TNFSF18: variants seen among roughly 807,000 people sequenced by gnomAD.
TNFSF18 encodes the protein TNF superfamily member 18.
TNFSF18 carries 6 observed loss-of-function variants against 9.6 expected under a neutral mutation model. The observed-to-expected ratio is 0.63, with a 90% CI of 0.34 to 1.24. The LOEUF is 1.24. Ranked by LOEUF, TNFSF18 falls within the 50% of genes most tolerant of loss-of-function variation. TNFSF18 has a pLI of 0.03. For synonymous variants in TNFSF18, 68 were observed against 71.7 expected, an observed-to-expected ratio of 0.95 and a Z score of 0.26; for missense variants, 210 against 201.0, an observed-to-expected ratio of 1.04 and a Z score of -0.27.
At chr1:173,045,936 T>C (rs1474211358) in intron 1 of TNFSF18, among the ~76,000 whole-genome samples, 1 of 152,144 alleles carries the variant, frequency 6.6e-6, no homozygotes, top group Non-Finnish European at 1.5e-5. Context: ...CGTACTTCTA[T>C]TTTCTCTTAA....
intron 2 of TNFSF18, among the ~76,000 whole-genome samples, chr1:173,042,951 A>G (rs190712254): frequency 1.2e-4 from 18 of 152,286 alleles, no homozygotes; most frequent in African/African-American, 2.6e-4. Context: ...AGTATCGCCA[A>G]TGAGCTCGGA....
At chr1:173,044,530 C>T (rs530440871) in intron 1 of TNFSF18, among the ~76,000 whole-genome samples, 20 of 152,252 alleles carry the variant, frequency 1.3e-4, no homozygotes, top group South Asian at 4.1e-4. Context: ...CTGCAATGTA[C>T]GGCAGTTCAC....
intron 1 of TNFSF18, among the ~76,000 whole-genome samples, chr1:173,046,696 T>C (rs2101927818): frequency 6.6e-6 from 1 of 152,276 alleles, no homozygotes; most frequent in East Asian, 1.9e-4. Context: ...CTCACCCTTA[T>C]AAATATATAT....
At chr1:173,049,220 G>C (rs932059419) in intron 1 of TNFSF18, among the ~76,000 whole-genome samples, 1 of 152,102 alleles carries the variant, frequency 6.6e-6, no homozygotes, top group Non-Finnish European at 1.5e-5. Context: ...GGGTGCCTTT[G>C]GGAAAGGCTT....
rs761740979 is a variant in TNFSF18, at chr1:173,041,468, C to T, written c.433G>A (p.Gly145Arg). 5 of 1,613,360 alleles carry T rather than the reference C, an allele frequency of 3.1e-6. No individual in the cohort carries two copies. The highest frequency in any genetic ancestry group is 2.7e-5 in the African/African-American group (2 of 74,876). Residue 145 changes from glycine (G) to arginine (R), a missense_variant, in exon 3 of 3, where the codon GGG (glycine) becomes AGG (arginine). Physicochemically the swap from Gly to Arg is moderately radical, Grantham distance 125 (BLOSUM62 -2). Transcript: ENST00000404377. ...TTGAATATCAAGTCTATGGTGTCCCCAACATGCAATTCATAAGTCCCTCCT... is the reference window on the plus strand; with the variant it reads ...TTGAATATCAAGTCTATGGTGTCCCTAACATGCAATTCATAAGTCCCTCCT... ...NVGGTYELHV[G>R]DTIDLIFNSE...
At chr1:173,049,999 CT>C (rs1433312619) in intron 1 of TNFSF18, among the ~76,000 whole-genome samples, 1 of 152,172 alleles carries the variant, frequency 6.6e-6, no homozygotes. Context: ...TAGATATGGG[CT>C]TTCTCATTCC....
At position 173,043,147 on chromosome 1, in the gene TNFSF18, C is replaced by T. The variant is rs530407868; in HGVS notation, c.187+792G>A. Among the ~76,000 whole-genome samples, 3 of 152,192 alleles carry T rather than the reference C, an allele frequency of 2.0e-5. No individual in the cohort carries two copies. The South Asian group carries it at 6.2e-4, about 32-fold the overall frequency. ...TTCACACATGCCATGCATTCCATTC[C>T]ACTTATGGGCAAAACAAAAACAAAA... On this transcript the variant is annotated intron_variant, in intron 2 of 2. Coordinates refer to ENST00000404377, the MANE Select transcript of TNFSF18 (RefSeq NM_005092.4).
In TNFSF18 at chr1:173,039,653, C is replaced by T. The variant is rs1408235704; in HGVS notation, c.*1714G>A. ...TATGTGCTTATAAGCTAGCACCAGC[C>T]CACTCCAGCACACATTGCTTATAAC... On this transcript the variant is annotated 3_prime_UTR_variant, in exon 3 of 3. Coordinates refer to ENST00000404377, the MANE Select transcript of TNFSF18 (RefSeq NM_005092.4). Among the ~76,000 whole-genome samples, 3 of 151,582 alleles carry T rather than the reference C, an allele frequency of 2.0e-5. No individual in the cohort carries two copies. The highest frequency in any genetic ancestry group is 4.4e-5 in the Non-Finnish European group (3 of 67,944).
At chr1:173,043,763 T>A (rs1357862026) in intron 2 of TNFSF18, among the ~76,000 whole-genome samples, 176 bp downstream of exon 2, 1 of 152,232 alleles carries the variant, frequency 6.6e-6, no homozygotes, top group Non-Finnish European at 1.5e-5. Context: ...TTCTTTTGCC[T>A]GGTTTACCTC....
chr1:173,045,134 G>A (rs1398010056), intron 1 of TNFSF18, among the ~76,000 whole-genome samples: 1 of 152,156 alleles, frequency 6.6e-6, no homozygotes, highest in African/African-American at 2.4e-5. Flanking sequence ...GAAATTTAAG[G>A]AGCTCTGGTG....
At chr1:173,043,794 C>A (rs1665029654) in intron 2 of TNFSF18, 145 bp downstream of exon 2, 1 of 770,156 alleles carries the variant, frequency 1.3e-6, no homozygotes. Context: ...AGCTCTTGGG[C>A]AACTGCCCAG....
chr1:173,050,348 T>C (rs1416047853), intron 1 of TNFSF18, among the ~76,000 whole-genome samples: 2 of 152,102 alleles, frequency 1.3e-5, no homozygotes, highest in Non-Finnish European at 2.9e-5. Context: ...TCTTTCACTA[T>C]TTTTTTAAGT....
At chr1:173,049,804 C>G (rs1267119400) in intron 1 of TNFSF18, among the ~76,000 whole-genome samples, 1 of 152,138 alleles carries the variant, frequency 6.6e-6, no homozygotes, top group Non-Finnish European at 1.5e-5. Context: ...AGGCTAAATC[C>G]TGAAATAAAT....
chr1:173,041,750 A>G, intron 2 of TNFSF18, 37 bp from the exon 3 acceptor site: 9 of 1,499,896 alleles, frequency 6.0e-6, no homozygotes, highest in East Asian at 2.3e-5. Context: ...AGATGAAAGC[A>G]TAGTTATTTC....
rs746036457 is a variant in TNFSF18 at position 173,050,899 on chromosome 1, T to C, written c.-3A>G. The C allele has an allele frequency of 1.1e-5, 18 of 1,613,772 alleles. No homozygotes were observed. The highest frequency in any genetic ancestry group is 1.3e-5 in the Non-Finnish European group (15 of 1,179,808). On this transcript the variant is annotated 5_prime_UTR_variant, in exon 1 of 3. Transcript: ENST00000404377. ...TTTTCCAAGTGGCTCAAACACATTTTTGGAGAAATGAGAGCTGTGGAAAAC... is the reference window on the plus strand; with the variant it reads ...TTTTCCAAGTGGCTCAAACACATTTCTGGAGAAATGAGAGCTGTGGAAAAC...
At chr1:173,046,560 C>A (rs111300822) in intron 1 of TNFSF18, among the ~76,000 whole-genome samples, 1,543 of 152,002 alleles carry the variant, frequency 0.01, 31 homozygotes, top group African/African-American at 0.035. Context: ...GCATTCACCA[C>A]GTTATTAAAA....
intron 1 of TNFSF18, among the ~76,000 whole-genome samples, chr1:173,045,178 T>C (rs1168935293): frequency 6.6e-6 from 1 of 152,128 alleles, no homozygotes; most frequent in African/African-American, 2.4e-5. Context: ...TCATAGTTGA[T>C]GTTTTAAGCT....
chr1:173,044,893 G>A (rs1415361552), intron 1 of TNFSF18, among the ~76,000 whole-genome samples: 1 of 152,142 alleles, frequency 6.6e-6, no homozygotes, highest in African/African-American at 2.4e-5. Flanking sequence ...TACTTGGTTG[G>A]AAAATAGAGC....
chr1:173,041,818 T>C (rs1664999984), intron 2 of TNFSF18, 105 bp from the exon 3 acceptor site: 9 of 945,584 alleles, frequency 9.5e-6, no homozygotes, highest in South Asian at 4.7e-5. Context: ...TGTTGTTTCT[T>C]TACCTGATCT....
Sources: allele counts gnomAD v4.1 joint callset (sites outside exome capture counted in the v4.1 genomes callset), GRCh38; gene constraint gnomAD v4.1.1; transcripts MANE v1.5; gene names NCBI Gene and HGNC (gene_info 2026-07-23, HGNC 2026-07-21).